Variants in CEP112 observed in about 807,000 individuals in gnomAD.
CEP112 encodes centrosomal protein of 112 kDa.
In CEP112, 127 loss-of-function variants were observed where a neutral mutation model predicts 153.0. The ratio of observed to expected loss-of-function variants is 0.83; its 90% CI spans 0.72 to 0.96. CEP112 has a LOEUF of 0.96. CEP112 is among the 40% of genes least tolerant of loss of function. The probability of loss-of-function intolerance (pLI) is 0.00; values close to 1 mark genes in which losing one functional copy is unlikely to be tolerated. For synonymous variants in CEP112, 358 were observed against 374.4 expected (o/e 0.96, Z 0.51); for missense variants, 1,089 against 1,101.2 (o/e 0.99, Z 0.16).
intron 21 of CEP112, among the ~76,000 whole-genome samples, chr17:65,819,288 G>T (rs779102504): frequency 4.0e-5 from 6 of 151,658 alleles, no homozygotes; most frequent in Non-Finnish European, 5.9e-5. Flanking sequence ...AAAGAATCTT[G>T]CATTTTAAAA....
intron 4 of CEP112, among the ~76,000 whole-genome samples, chr17:66,152,379 GA>G (rs1306136800): frequency 1.3e-5 from 2 of 152,186 alleles, no homozygotes; most frequent in African/African-American, 4.8e-5. Context: ...TAGCTAAGAA[GA>G]TTTACAAAGT....
chr17:66,064,453 T>C (rs1405219988), intron 10 of CEP112, among the ~76,000 whole-genome samples: 1 of 152,234 alleles, frequency 6.6e-6, no homozygotes, highest in Non-Finnish European at 1.5e-5. Flanking sequence ...AATATATTCA[T>C]CTCTTCTGGA....
chr17:65,984,943 C>T (rs9902402), intron 17 of CEP112, among the ~76,000 whole-genome samples: 79,092 of 151,876 alleles, frequency 0.52, 21,592 homozygotes, highest in African/African-American at 0.6. Context: ...AGAAAATGTC[C>T]TGAGGAAGAA....
chr17:66,136,711 G>T (rs938440937), intron 4 of CEP112, among the ~76,000 whole-genome samples: 1 of 152,178 alleles, frequency 6.6e-6, no homozygotes, highest in East Asian at 1.9e-4. Context: ...TGTGCTACTA[G>T]CTCCAGAAGG....
chr17:65,907,537 T>C (rs1460536420), intron 19 of CEP112, among the ~76,000 whole-genome samples: 1 of 152,130 alleles, frequency 6.6e-6, no homozygotes, highest in Non-Finnish European at 1.5e-5. Context: ...CTCAGGCTTG[T>C]CTGCTAAGTC....
chr17:65,963,674 GGT>G (rs58215209), intron 17 of CEP112, among the ~76,000 whole-genome samples: 28,869 of 146,762 alleles, frequency 0.2, 3,021 homozygotes, highest in African/African-American at 0.29. Context: ...TATAGATAGG[GGT>G]GTGTGTGTGT....
chr17:66,038,466 A>G (rs1394942524), intron 12 of CEP112, among the ~76,000 whole-genome samples: 1 of 152,258 alleles, frequency 6.6e-6, no homozygotes, highest in Non-Finnish European at 1.5e-5. Flanking sequence ...AGGCATATAT[A>G]AAGTATCTTA....
intron 8 of CEP112, among the ~76,000 whole-genome samples, chr17:66,082,762 CAA>C (rs779968078): frequency 1.0e-4 from 10 of 100,468 alleles, no homozygotes; most frequent in Admixed American, 1.0e-4. Context: ...GACTCTGTCT[CAA>C]AAAAAAAAAA....
At chr17:65,946,566 G>A (rs902509347) in intron 18 of CEP112, among the ~76,000 whole-genome samples, 1 of 151,990 alleles carries the variant, frequency 6.6e-6, no homozygotes. Flanking sequence ...TAATTACCAT[G>A]GTTTAACAGT....
At chr17:65,663,272 T>G (rs571451137) in intron 24 of CEP112, among the ~76,000 whole-genome samples, 2 of 152,228 alleles carry the variant, frequency 1.3e-5, no homozygotes, top group Non-Finnish European at 2.9e-5. Flanking sequence ...CTGTGATCTT[T>G]GTCATATCCA....
chr17:65,743,876 T>C (rs1598446131), intron 22 of CEP112, among the ~76,000 whole-genome samples: 2 of 151,600 alleles, frequency 1.3e-5, no homozygotes, highest in South Asian at 4.2e-4. Flanking sequence ...ATTCTCCTGC[T>C]TCAGCCTCCC....
intron 17 of CEP112, among the ~76,000 whole-genome samples, chr17:66,000,647 C>T (rs916067993): frequency 6.6e-6 from 1 of 152,098 alleles, no homozygotes; most frequent in Non-Finnish European, 1.5e-5. Context: ...CCCACTCTCA[C>T]CGTGGTGCTG....
intron 17 of CEP112, among the ~76,000 whole-genome samples, chr17:65,965,937 T>C (rs1373099929): frequency 1.3e-5 from 2 of 152,322 alleles, no homozygotes; most frequent in East Asian, 3.9e-4. Context: ...GCTGAAGCTT[T>C]GAAACAGGCA....
At chr17:66,081,915 A>G (rs776951812) in intron 8 of CEP112, among the ~76,000 whole-genome samples, 3 of 152,118 alleles carry the variant, frequency 2.0e-5, no homozygotes, top group Non-Finnish European at 4.4e-5. Flanking sequence ...ACTCCATCTC[A>G]GGGGGAAAAA....
At chr17:65,678,576 C>A (rs958501305) in intron 24 of CEP112, among the ~76,000 whole-genome samples, 3 of 152,146 alleles carry the variant, frequency 2.0e-5, no homozygotes, top group African/African-American at 7.2e-5. Context: ...GAAGATGAGA[C>A]CCAGCCCCAA....
At chr17:66,053,660 C>A (rs932523979) in intron 12 of CEP112, 76 bp downstream of exon 12, 9 of 1,412,024 alleles carry the variant, frequency 6.4e-6, no homozygotes, top group South Asian at 1.3e-5. Flanking sequence ...CTACACTGTG[C>A]ACATCAGGGA....
intron 6 of CEP112, among the ~76,000 whole-genome samples, chr17:66,104,962 T>A (rs1006354049): frequency 1.3e-5 from 2 of 152,186 alleles, no homozygotes; most frequent in African/African-American, 4.8e-5. Context: ...CTGGTTATAG[T>A]AAGTATTATA....
intron 20 of CEP112, among the ~76,000 whole-genome samples, chr17:65,862,489 G>A (rs1378172171): frequency 2.0e-5 from 3 of 152,158 alleles, no homozygotes; most frequent in Non-Finnish European, 4.4e-5. Context: ...TCAGGAGGCT[G>A]AGGCAGGAGA....
chr17:65,995,610 G>C (rs937734018), intron 17 of CEP112, among the ~76,000 whole-genome samples: 2 of 152,144 alleles, frequency 1.3e-5, no homozygotes, highest in Non-Finnish European at 2.9e-5. Context: ...GGAGCATTCT[G>C]GGCATTTAGT....
Sources: allele counts gnomAD v4.1 joint callset (sites outside exome capture counted in the v4.1 genomes callset), GRCh38; gene constraint gnomAD v4.1.1; transcripts MANE v1.5; gene names NCBI Gene and HGNC (gene_info 2026-07-23, HGNC 2026-07-21).